NT5E: variants seen among roughly 807,000 people sequenced by gnomAD.
NT5E encodes the protein 5'-nucleotidase.
Under a neutral mutation model 55.1 loss-of-function variants are expected in NT5E, and 53 were observed. That is an observed-to-expected ratio of 0.96 (90% CI 0.77 to 1.21). The LOEUF is 1.21. Ranked by LOEUF, NT5E falls within the 50% of genes most tolerant of loss-of-function variation. The pLI, the probability that NT5E is intolerant of heterozygous loss-of-function variation, is 0.00. For synonymous variants in NT5E, 270 were observed against 278.4 expected (o/e 0.97, Z 0.30); for missense variants, 683 against 724.3 (o/e 0.94, Z 0.65).
chr6:85,455,645 A>T (rs1768973601), intron 1 of NT5E, among the ~76,000 whole-genome samples: 1 of 152,200 alleles, frequency 6.6e-6, no homozygotes, highest in African/African-American at 2.4e-5. Flanking sequence ...AGGAGGAAGT[A>T]ATGGAAACCC....
At chr6:85,487,781 A>G (rs1769699706) in intron 5 of NT5E, among the ~76,000 whole-genome samples, 2 of 152,154 alleles carry the variant, frequency 1.3e-5, no homozygotes, top group Admixed American at 1.3e-4. Flanking sequence ...AAATAAATAA[A>G]ACATTAGTGC....
chr6:85,466,774 A>C (rs1416651351), intron 1 of NT5E, among the ~76,000 whole-genome samples: 1 of 152,182 alleles, frequency 6.6e-6, no homozygotes, highest in Non-Finnish European at 1.5e-5. Context: ...GTAAATGTGA[A>C]CATTCAAACC....
chr6:85,464,867 G>A (rs568922825), intron 1 of NT5E, among the ~76,000 whole-genome samples: 1 of 152,228 alleles, frequency 6.6e-6, no homozygotes, highest in South Asian at 2.1e-4. Flanking sequence ...GGACTCCACC[G>A]CACCAGGGCT....
In NT5E at chr6:85,481,777, C is replaced by G. The variant is rs566200075; in HGVS notation, c.752-3458C>G. Among the ~76,000 whole-genome samples the G allele has an allele frequency of 2.0e-5, 3 of 152,254 alleles. No homozygotes were observed. In the South Asian group the frequency reaches 6.2e-4, roughly 32 times the overall value. On this transcript the variant is annotated intron_variant, in intron 3 of 8. Transcript: ENST00000257770. ...TGTGGGTCTTATAGGTTATGATATT[C>G]ATGTTAAAACTGTTAATGTTTTTGA...
intron 2 of NT5E, among the ~76,000 whole-genome samples, chr6:85,470,209 C>G (rs1047895674): frequency 2.6e-5 from 4 of 152,144 alleles, no homozygotes; most frequent in African/African-American, 9.7e-5. Flanking sequence ...TCAAAGCTTC[C>G]TCAAATGTGG....
intron 1 of NT5E, among the ~76,000 whole-genome samples, chr6:85,459,500 T>G (rs1379554603): frequency 6.6e-6 from 1 of 152,252 alleles, no homozygotes; most frequent in Non-Finnish European, 1.5e-5. Flanking sequence ...TAACATTTCT[T>G]TGTTTCCCTT....
At position 85,450,547 on chromosome 6, in the gene NT5E, G is replaced by A; in HGVS notation, c.339+69G>A. The A allele has an allele frequency of 7.0e-7, 1 of 1,427,316 alleles. No homozygotes were observed. The highest frequency in any genetic ancestry group is 9.6e-7 in the Non-Finnish European group (1 of 1,037,102). The allele number at this position is 1,427,316 out of a possible 1,614,324, so 88.4% of individuals were successfully genotyped here. Reference sequence around the variant, plus strand: ...AGAGGAGCCGGGCTGGAAAAGCAGCGGATGGCAGAGTGTGGCAAGCCTAGG... The same window carrying A: ...AGAGGAGCCGGGCTGGAAAAGCAGCAGATGGCAGAGTGTGGCAAGCCTAGG... On this transcript the variant is annotated intron_variant, in intron 1 of 8. Transcript: ENST00000257770. This position sits in a 1 kb window ranked among gnomAD's most constrained non-coding sequence, Gnocchi z 4.0.
chr6:85,493,747 G>A, intron 8 of NT5E, 94 bp from the exon 9 acceptor site: 1 of 1,060,204 alleles, frequency 9.4e-7, no homozygotes, highest in South Asian at 1.4e-5. Context: ...CCCTGCTTAT[G>A]AAATTGCTTC....
intron 5 of NT5E, 72 bp downstream of exon 5, chr6:85,487,561 G>A (rs998786420): frequency 5.1e-6 from 8 of 1,567,542 alleles, no homozygotes; most frequent in African/African-American, 2.7e-5. Flanking sequence ...GGAAGGATGC[G>A]AGAAGGGATA....
At chr6:85,486,592 A>G (rs1424929078) in intron 4 of NT5E, among the ~76,000 whole-genome samples, 1 of 151,906 alleles carries the variant, frequency 6.6e-6, no homozygotes, top group Non-Finnish European at 1.5e-5. Context: ...GTGATGGGAA[A>G]CCTCCCTGAC....
chr6:85,465,478 C>G (rs1198545786), intron 1 of NT5E, among the ~76,000 whole-genome samples: 2 of 152,086 alleles, frequency 1.3e-5, no homozygotes, highest in Non-Finnish European at 2.9e-5. Flanking sequence ...AACAATTACC[C>G]AAGCCTGCAA....
intron 1 of NT5E, among the ~76,000 whole-genome samples, chr6:85,453,320 C>T (rs1318557087): frequency 6.6e-6 from 1 of 152,130 alleles, no homozygotes; most frequent in Non-Finnish European, 1.5e-5. Context: ...GTGAGGAATA[C>T]ATGAGATAAT....
chr6:85,467,897 T>TACGACACATATACATACATAC (rs1312801157), intron 2 of NT5E, among the ~76,000 whole-genome samples: 1 of 151,794 alleles, frequency 6.6e-6, no homozygotes, highest in East Asian at 1.9e-4. Flanking sequence ...CACATACATA[T>TACGACACATATACATACATAC]ATGACACATA....
Position 85,450,183 on chromosome 6 carries a change from C to T in NT5E, c.44C>T (p.Ala15Val). 1.1e-5 allele frequency: 17 copies of T among 1,606,802 alleles called. No homozygotes were observed. Among genetic ancestry groups the T allele is most frequent in the Non-Finnish European group, 1.4e-5 (16 of 1,177,870 alleles). ...CGGGCGCCCGCGACGCTACTCCTCG[C>T]CCTGGGCGCGGTGCTGTGGCCTGCG... Reference protein sequence around the residue: ...AARAPATLLLALGAVLWPAAG... With the variant: ...AARAPATLLLVLGAVLWPAAG... Residue 15 changes from alanine to valine, a missense_variant, in exon 1 of 9, where the codon GCC becomes GTC. Physicochemically the swap from Ala to Val is moderately conservative, Grantham distance 64. Coordinates refer to ENST00000257770, the MANE Select transcript of NT5E (RefSeq NM_002526.4). This position sits in a 1 kb window ranked among gnomAD's most constrained non-coding sequence, Gnocchi z 4.0.
At chr6:85,480,284 G>A (rs77979288) in intron 3 of NT5E, among the ~76,000 whole-genome samples, 50 of 152,284 alleles carry the variant, frequency 3.3e-4, no homozygotes, top group African/African-American at 1.2e-3. Flanking sequence ...TAGACTTCCT[G>A]GGTCATCACT....
intron 1 of NT5E, among the ~76,000 whole-genome samples, chr6:85,461,125 G>A (rs1769090969): frequency 6.6e-6 from 1 of 152,148 alleles, no homozygotes; most frequent in South Asian, 2.1e-4. Context: ...GAAATCTTTG[G>A]TAAATATTTA....
chr6:85,466,825 A>G (rs1380421798), intron 1 of NT5E, among the ~76,000 whole-genome samples: 1 of 152,186 alleles, frequency 6.6e-6, no homozygotes, highest in Non-Finnish European at 1.5e-5. Flanking sequence ...ACCCCTGGCC[A>G]GCTCTCCAGG....
rs1768845680 is a variant in NT5E, at chr6:85,450,973, T to G, written c.339+495T>G. ...AGACGTGATAAGAATGGACACCAGA[T>G]CTCTTTGACCCCGGAGCTTGAGAGT... On this transcript the variant is annotated intron_variant, in intron 1 of 8. Coordinates refer to ENST00000257770, the MANE Select transcript of NT5E (RefSeq NM_002526.4). The surrounding 1 kb of genome is among the most constrained non-coding windows in gnomAD (Gnocchi z 4.0). 6.6e-6 allele frequency among the ~76,000 whole-genome samples: 1 copy of G among 152,228 alleles called. No homozygotes were observed. The highest frequency in any genetic ancestry group is 1.5e-5 in the Non-Finnish European group (1 of 68,038).
At chr6:85,454,333 C>A (rs1768947966) in intron 1 of NT5E, among the ~76,000 whole-genome samples, 1 of 152,198 alleles carries the variant, frequency 6.6e-6, no homozygotes, top group Non-Finnish European at 1.5e-5. Flanking sequence ...ATGTAAATTT[C>A]TATATTTTAC....
Sources: gnomAD v4.1 joint callset for allele counts (sites outside exome capture counted in the v4.1 genomes callset) on GRCh38, gnomAD v4.1.1 for gene constraint, Gnocchi (gnomAD v3.1) non-coding constraint, MANE v1.5 for transcripts, NCBI Gene and HGNC (gene_info 2026-07-23, HGNC 2026-07-21) for gene names.